The following MEMO1 variants were observed in gnomAD, a reference collection of about 807,000 sequenced individuals.
MEMO1 encodes the protein mediator of cell motility 1, also known as protein MEMO1.
A neutral mutation model predicts 45.2 loss-of-function variants in MEMO1; 6 were observed. The ratio of observed to expected loss-of-function variants is 0.13; its 90% confidence interval spans 0.07 to 0.26. The LOEUF is 0.26. MEMO1 is among the 10% of genes least tolerant of loss of function. The pLI is 1.00. For synonymous variants in MEMO1, 78 were observed against 124.3 expected, an observed-to-expected ratio of 0.63 and a Z score of 2.48; for missense variants, 184 against 370.5, an observed-to-expected ratio of 0.50 and a Z score of 4.13.
intron 4 of MEMO1, among the ~76,000 whole-genome samples, chr2:31,921,374 C>A (rs1682289967): frequency 6.6e-6 from 1 of 152,150 alleles, no homozygotes; most frequent in African/African-American, 2.4e-5. Flanking sequence ...AACTAATACA[C>A]CTAATAATGA....
intron 6 of MEMO1, chr2:31,893,107 A>AC (rs1218430387): frequency 3.0e-5 from 5 of 168,886 alleles, no homozygotes; most frequent in African/African-American, 1.2e-4. Flanking sequence ...CTGGCACTTA[A>AC]CTGATGTAGG....
chr2:31,933,401 G>GA (rs1333755387), intron 3 of MEMO1, among the ~76,000 whole-genome samples: 1 of 119,800 alleles, frequency 8.3e-6, no homozygotes, highest in Non-Finnish European at 1.7e-5. Flanking sequence ...GAAGAGAGGG[G>GA]AAAAAGAGGT....
At chr2:31,966,491 G>A (rs992627624) in intron 2 of MEMO1, among the ~76,000 whole-genome samples, 3 of 152,152 alleles carry the variant, frequency 2.0e-5, no homozygotes, top group African/African-American at 7.2e-5. Context: ...AGCCCTTTGG[G>A]AGGCCAAGGC....
intron 2 of MEMO1, among the ~76,000 whole-genome samples, chr2:31,973,953 T>C (rs572883815): frequency 9.2e-5 from 14 of 152,366 alleles, no homozygotes; most frequent in Non-Finnish European, 1.9e-4. Context: ...TAATTGCTAA[T>C]TTGTATTATA....
chr2:31,869,183 T>C (rs1673298341), intron 9 of MEMO1, among the ~76,000 whole-genome samples: 1 of 152,128 alleles, frequency 6.6e-6, no homozygotes, highest in Non-Finnish European at 1.5e-5. Context: ...GACTACATTA[T>C]CTTCTCCATT....
At chr2:31,902,047 G>C (rs751885017) in intron 6 of MEMO1, among the ~76,000 whole-genome samples, 2 of 152,094 alleles carry the variant, frequency 1.3e-5, no homozygotes, top group African/African-American at 4.8e-5. Context: ...GCTGAGGTGG[G>C]AGGATACTTT....
intron 4 of MEMO1, among the ~76,000 whole-genome samples, chr2:31,930,584 T>C (rs888029127): frequency 5.9e-5 from 9 of 152,072 alleles, no homozygotes; most frequent in African/African-American, 9.7e-5. Context: ...AAGGCTGTTA[T>C]ATAAACTAAC....
At chr2:32,001,032 A>ATT (rs66617379) in intron 2 of MEMO1, among the ~76,000 whole-genome samples, 1,311 of 104,462 alleles carry the variant, frequency 0.013, 19 homozygotes, top group East Asian at 0.045. Context: ...ATAAATTTTG[A>ATT]TTTTTTTTTT....
chr2:31,988,279 G>T (rs35262968), intron 2 of MEMO1, among the ~76,000 whole-genome samples: 18,349 of 152,200 alleles, frequency 0.12, 1,186 homozygotes, highest in Middle Eastern at 0.21. Flanking sequence ...AGGCATGGTA[G>T]CTCACGCCTG....
chr2:31,934,123 G>A (rs191984704), intron 3 of MEMO1, among the ~76,000 whole-genome samples: 4 of 152,076 alleles, frequency 2.6e-5, no homozygotes, highest in East Asian at 1.9e-4. Context: ...AAACCTTAGC[G>A]ACATCTCAGA....
chr2:31,907,306 T>C (rs1163492760), intron 6 of MEMO1, among the ~76,000 whole-genome samples: 1 of 152,228 alleles, frequency 6.6e-6, no homozygotes, highest in East Asian at 1.9e-4. Context: ...ATTCATTTCT[T>C]ATCTCTTCTA....
chr2:31,887,968 A>G (rs1264375633), intron 7 of MEMO1, among the ~76,000 whole-genome samples: 1 of 152,162 alleles, frequency 6.6e-6, no homozygotes, highest in African/African-American at 2.4e-5. Flanking sequence ...GCCACTTTTA[A>G]TAAGTGGTAT....
intron 8 of MEMO1, among the ~76,000 whole-genome samples, chr2:31,879,880 C>T (rs996517232): frequency 1.3e-5 from 2 of 152,100 alleles, no homozygotes; most frequent in Non-Finnish European, 2.9e-5. Flanking sequence ...TCATCTTTTT[C>T]CTTAAATCTG....
At chr2:31,923,745 C>CA in intron 4 of MEMO1, 1 of 1,531,348 alleles carries the variant, frequency 6.5e-7, no homozygotes, top group Non-Finnish European at 8.8e-7. Context: ...CTGAAACACA[C>CA]AGTCAAAATA....
At chr2:31,940,694 A>C (rs1665509380) in intron 3 of MEMO1, among the ~76,000 whole-genome samples, 1 of 152,132 alleles carries the variant, frequency 6.6e-6, no homozygotes, top group Middle Eastern at 3.2e-3. Flanking sequence ...GTTGCATCCC[A>C]TCACATCCAG....
chr2:31,925,475 C>CAAAAAAAAAAAAAAAAAAAAAAAAA (rs70964741), intron 4 of MEMO1, among the ~76,000 whole-genome samples: 1 of 79,236 alleles, frequency 1.3e-5, no homozygotes, highest in African/African-American at 7.0e-5. Flanking sequence ...GACTCCGTCT[C>CAAAAAAAAAAAAAAAAAAAAAAAAA]AAAAAAAAAA....
chr2:31,868,612 T>C (rs1673210153), intron 9 of MEMO1, 120 bp from the exon 10 acceptor site: 1 of 945,710 alleles, frequency 1.1e-6, no homozygotes, highest in South Asian at 3.9e-5. Flanking sequence ...TTTTGCTCTT[T>C]TGTTTCTTGA....
Position 31,868,317 on chromosome 2 carries a change from A to G in MEMO1, c.*44T>C. The G allele has an allele frequency of 6.8e-7, 1 of 1,473,040 alleles. No individual in the cohort carries two copies. The allele number at this position is 1,473,040 out of a possible 1,614,324, so 91.2% of individuals were successfully genotyped here. ...TAAAGGCTAGGCTGGGACCCCGGACAGAGTATGAGAATGTGCAGGTGGCAT... is the reference window on the plus strand; with the variant it reads ...TAAAGGCTAGGCTGGGACCCCGGACGGAGTATGAGAATGTGCAGGTGGCAT... On this transcript the variant is annotated 3_prime_UTR_variant, in exon 10 of 10. Transcript: ENST00000404530.
intron 7 of MEMO1, among the ~76,000 whole-genome samples, chr2:31,891,229 A>G (rs1164619901): frequency 6.6e-6 from 1 of 152,194 alleles, no homozygotes; most frequent in Non-Finnish European, 1.5e-5. Context: ...TTAAACCAAT[A>G]AATTAATAGG....
Sources: allele counts gnomAD v4.1 joint callset (sites outside exome capture counted in the v4.1 genomes callset), GRCh38; gene constraint gnomAD v4.1.1; transcripts MANE v1.5; gene names NCBI Gene and HGNC (gene_info 2026-07-23, HGNC 2026-07-21).